The following TMTC2 variants were observed in gnomAD, a reference collection of about 807,000 sequenced individuals.
TMTC2 encodes transmembrane O-mannosyltransferase targeting cadherins 2.
TMTC2 carries 43 observed loss-of-function variants against 82.4 expected under a neutral mutation model. The observed-to-expected ratio is 0.52, with a 90% CI of 0.41 to 0.67. TMTC2 has a LOEUF of 0.67. Among genes scored for constraint, TMTC2 ranks in the 30% least tolerant of loss-of-function variants. The pLI is 0.00. For synonymous variants in TMTC2, 408 were observed against 381.9 expected, an observed-to-expected ratio of 1.07 and a Z score of -0.80; for missense variants, 919 against 1,012.4, an observed-to-expected ratio of 0.91 and a Z score of 1.25.
intron 8 of TMTC2, among the ~76,000 whole-genome samples, chr12:82,992,091 T>C (rs1168161620): frequency 6.6e-6 from 1 of 152,212 alleles, no homozygotes; most frequent in Admixed American, 6.5e-5. Context: ...GCCAGACTCC[T>C]GTGTCTAGCC....
chr12:82,934,146 G>C (rs1191749490), intron 4 of TMTC2, among the ~76,000 whole-genome samples: 1 of 152,090 alleles, frequency 6.6e-6, no homozygotes, highest in Non-Finnish European at 1.5e-5. Context: ...ATGTGTCTAA[G>C]GTCACACAGA....
intron 1 of TMTC2, among the ~76,000 whole-genome samples, chr12:82,749,408 GCAAA>G (rs1037271414): frequency 2.0e-5 from 3 of 152,164 alleles, no homozygotes; most frequent in African/African-American, 7.2e-5. Context: ...GACATGGGAA[GCAAA>G]CAATTTTTTT....
At chr12:82,736,139 T>C (rs1487947157) in intron 1 of TMTC2, among the ~76,000 whole-genome samples, 1 of 152,218 alleles carries the variant, frequency 6.6e-6, no homozygotes, top group African/African-American at 2.4e-5. Flanking sequence ...AGCAATAGGA[T>C]AAAGAAGTTA....
At chr12:83,129,216 T>A (rs976442686) in intron 11 of TMTC2, among the ~76,000 whole-genome samples, 1 of 152,230 alleles carries the variant, frequency 6.6e-6, no homozygotes, top group Admixed American at 6.5e-5. Context: ...TATTCTTAAA[T>A]ATTCACATTT....
At chr12:83,120,094 T>G (rs1233512971) in intron 11 of TMTC2, among the ~76,000 whole-genome samples, 1 of 152,258 alleles carries the variant, frequency 6.6e-6, no homozygotes, top group Non-Finnish European at 1.5e-5. Context: ...TCTGCAATTC[T>G]GTATCTTTTA....
At chr12:82,991,093 T>C (rs576477798) in intron 8 of TMTC2, among the ~76,000 whole-genome samples, 2 of 152,282 alleles carry the variant, frequency 1.3e-5, no homozygotes, top group South Asian at 4.1e-4. Context: ...TATCCCCTTT[T>C]TATAAATGAA....
chr12:82,997,412 G>GTATATATATATATGTGTGTA (rs1555204079), intron 8 of TMTC2, among the ~76,000 whole-genome samples: 2 of 35,246 alleles, frequency 5.7e-5, no homozygotes, highest in African/African-American at 6.8e-5. Context: ...ATATATATGT[G>GTATATATATATATGTGTGTA]TATATATATA....
chr12:82,919,088 A>C (rs556552204), intron 3 of TMTC2, among the ~76,000 whole-genome samples: 1 of 152,322 alleles, frequency 6.6e-6, no homozygotes, highest in South Asian at 2.1e-4. Context: ...ACACAAAGAC[A>C]TGTATTTGGC....
chr12:82,950,109 G>A (rs905300103), intron 4 of TMTC2, among the ~76,000 whole-genome samples: 1 of 152,182 alleles, frequency 6.6e-6, no homozygotes, highest in African/African-American at 2.4e-5. Context: ...CCTATTCCCA[G>A]TGTTGGTGAT....
chr12:83,032,982 C>T (rs1881504139), intron 9 of TMTC2, among the ~76,000 whole-genome samples: 1 of 152,072 alleles, frequency 6.6e-6, no homozygotes, highest in African/African-American at 2.4e-5. Flanking sequence ...GGCATACATA[C>T]ATTATAAGAA....
intron 1 of TMTC2, among the ~76,000 whole-genome samples, chr12:82,719,671 C>CTTT (rs202235180): frequency 0.049 from 6,307 of 128,054 alleles, 428 homozygotes; most frequent in Middle Eastern, 0.091. Flanking sequence ...GTCTCTCTGT[C>CTTT]TTTTTTTTTT....
intron 1 of TMTC2, among the ~76,000 whole-genome samples, chr12:82,751,484 A>G (rs1281378802): frequency 6.6e-6 from 1 of 152,142 alleles, no homozygotes; most frequent in Non-Finnish European, 1.5e-5. Context: ...ACATGTATAC[A>G]TATGTAACAA....
intron 1 of TMTC2, among the ~76,000 whole-genome samples, chr12:82,750,938 A>C (rs1325470375): frequency 1.3e-5 from 2 of 152,208 alleles, no homozygotes; most frequent in Non-Finnish European, 2.9e-5. Context: ...AACTTGCCCA[A>C]GTTCAAGTGA....
At chr12:83,070,403 CTT>C (rs1377743927) in intron 11 of TMTC2, among the ~76,000 whole-genome samples, 5 of 151,248 alleles carry the variant, frequency 3.3e-5, no homozygotes, top group Non-Finnish European at 7.4e-5. Flanking sequence ...TCTTTTAACT[CTT>C]TGGTTAGATG....
chr12:82,962,569 A>AT lies in TMTC2; in HGVS notation c.1599-2449dup, dbSNP rs1008516338. Among the ~76,000 whole-genome samples the AT allele has an allele frequency of 2.5e-4, 38 of 151,958 alleles. 1 individual carries two copies. The Middle Eastern group carries it at 0.017, about 68-fold the overall frequency. On this transcript the variant is annotated intron_variant, in intron 4 of 11. Coordinates refer to ENST00000321196, the MANE Select transcript of TMTC2 (RefSeq NM_152588.3). ...GTGAATGACTGTGTTAATTACAAAG[A>AT]TTTTTTCCCTATTTTATTTATTTCA...
chr12:82,888,495 C>G (rs1873220148), intron 2 of TMTC2, among the ~76,000 whole-genome samples: 1 of 152,108 alleles, frequency 6.6e-6, no homozygotes, highest in South Asian at 2.1e-4. Context: ...GCTATGTTGT[C>G]AAGGCTGATC....
chr12:83,132,496 C>T lies in TMTC2; in HGVS notation c.*107C>T. ...AAGAGCTGGTGTTAGACTTCAAGAC[C>T]AGGGCAGAGGTCATTGAGGTCACTA... On this transcript the variant is annotated 3_prime_UTR_variant, in exon 12 of 12. Coordinates refer to ENST00000321196, the MANE Select transcript of TMTC2 (RefSeq NM_152588.3). 7.6e-7 allele frequency: 1 copy of T among 1,308,472 alleles called. No individual in the cohort carries two copies. The highest frequency in any genetic ancestry group is 2.5e-5 in the East Asian group (1 of 40,566). 81.1% of individuals were successfully genotyped at this position (1,308,472 alleles called of 1,614,324 possible).
intron 4 of TMTC2, among the ~76,000 whole-genome samples, chr12:82,942,807 C>A (rs1406322147): frequency 6.6e-6 from 1 of 151,632 alleles, no homozygotes; most frequent in Admixed American, 6.6e-5. Context: ...TATGGAGAAG[C>A]TAGAGTTAAA....
At chr12:82,916,959 A>G (rs73362203) in intron 3 of TMTC2, among the ~76,000 whole-genome samples, 7,116 of 152,238 alleles carry the variant, frequency 0.047, 245 homozygotes, top group African/African-American at 0.1. Context: ...TATTTTAACT[A>G]TATCTGTTTT....
Sources: allele counts gnomAD v4.1 joint callset (sites outside exome capture counted in the v4.1 genomes callset), GRCh38; gene constraint gnomAD v4.1.1; transcripts MANE v1.5; gene names NCBI Gene and HGNC (gene_info 2026-07-23, HGNC 2026-07-21).